The following PCDH15 variants were observed in gnomAD, a reference collection of about 807,000 sequenced individuals.
PCDH15 encodes protocadherin-15.
A neutral mutation model predicts 178.5 loss-of-function variants in PCDH15; 129 were observed. The observed-to-expected ratio is 0.72, with a 90% confidence interval of 0.63 to 0.84. The LOEUF (loss-of-function observed/expected upper bound fraction) is 0.84. PCDH15 is among the 40% of genes least tolerant of loss of function. PCDH15 has a pLI of 0.00. For synonymous variants in PCDH15, 800 were observed against 732.0 expected, an observed-to-expected ratio of 1.09 and a Z score of -1.50; for missense variants, 2,230 against 2,099.9, an observed-to-expected ratio of 1.06 and a Z score of -1.21.
At chr10:55,249,622 T>A (rs1170799293) in intron 1 of PCDH15, among the ~76,000 whole-genome samples, 1 of 152,134 alleles carries the variant, frequency 6.6e-6, no homozygotes, top group African/African-American at 2.4e-5. Context: ...TAGTATAAAT[T>A]GCAATCTTCT....
chr10:53,811,485 T>G (rs2075862837), intron 36 of PCDH15, 64 bp downstream of exon 36: 1 of 994,422 alleles, frequency 1.0e-6, no homozygotes, highest in Non-Finnish European at 1.4e-6. Context: ...AATAATCATT[T>G]AATAATTTCC....
intron 14 of PCDH15, among the ~76,000 whole-genome samples, chr10:54,148,377 A>C (rs2044194165): frequency 6.6e-6 from 1 of 152,036 alleles, no homozygotes; most frequent in Non-Finnish European, 1.5e-5. Flanking sequence ...TTTGTATATA[A>C]TCTATGCATA....
chr10:53,978,085 A>G lies in PCDH15; in HGVS notation c.2869-16193T>C, dbSNP rs190339698. Among the ~76,000 whole-genome samples, 699 of 152,224 alleles carry G rather than the reference A, an allele frequency of 4.6e-3. 3 individuals carry two copies. Among genetic ancestry groups the G allele is most frequent in the Non-Finnish European group, 7.6e-3 (517 of 68,014 alleles). On this transcript the variant is annotated intron_variant, in intron 21 of 37. Transcript: ENST00000644397. ...ACAGCAAACTGTCAGTGGATTTACC[A>G]TTCTGGGGACTGGAGGACAGTGGCT... is the stretch of plus-strand genomic sequence containing the variant.
chr10:55,320,027 C>T (rs554611586), upstream of PCDH15, among the ~76,000 whole-genome samples: 1 of 152,150 alleles, frequency 6.6e-6, no homozygotes, highest in African/African-American at 2.4e-5. Flanking sequence ...CTGGCCACAC[C>T]TGCATTTAGT....
chr10:54,071,905 T>G (rs2094250619), intron 17 of PCDH15, among the ~76,000 whole-genome samples: 1 of 152,128 alleles, frequency 6.6e-6, no homozygotes, highest in African/African-American at 2.4e-5. Context: ...ATTATTTTAT[T>G]AAGAAATGTG....
At chr10:53,940,803 G>C in intron 24 of PCDH15, 63 bp downstream of exon 24, 1 of 1,226,836 alleles carries the variant, frequency 8.2e-7, no homozygotes. Flanking sequence ...AATTCAATCT[G>C]AAATTAGGCC....
intron 26 of PCDH15, among the ~76,000 whole-genome samples, chr10:53,890,405 C>A (rs185376056): frequency 2.6e-5 from 4 of 151,938 alleles, no homozygotes; most frequent in Non-Finnish European, 5.9e-5. Context: ...CCAGCCTGGG[C>A]GACAGAGTGA....
At chr10:53,959,127 T>C (rs1421481329) in intron 23 of PCDH15, among the ~76,000 whole-genome samples, 1 of 149,180 alleles carries the variant, frequency 6.7e-6, no homozygotes, top group Non-Finnish European at 1.5e-5. Flanking sequence ...TGTATATGCA[T>C]ATAGTGTATA....
At chr10:55,156,020 A>G (rs1156941167) in intron 2 of PCDH15, among the ~76,000 whole-genome samples, 4 of 152,124 alleles carry the variant, frequency 2.6e-5, no homozygotes, top group East Asian at 1.9e-4. Context: ...GATGGCAACA[A>G]CACGTGATCA....
chr10:55,566,968 A>C (rs1842314334), intron 2 of PCDH15, among the ~76,000 whole-genome samples: 1 of 151,918 alleles, frequency 6.6e-6, no homozygotes, highest in South Asian at 2.1e-4. Flanking sequence ...AGAGACTCCA[A>C]ATAGCTAAAT....
chr10:54,013,199 A>G (rs1439625221), intron 20 of PCDH15, among the ~76,000 whole-genome samples: 1 of 152,208 alleles, frequency 6.6e-6, no homozygotes, highest in Non-Finnish European at 1.5e-5. Flanking sequence ...ACAATGCAAT[A>G]AGAAGATCTA....
chr10:54,379,629 A>G (rs1948930353), intron 3 of PCDH15, among the ~76,000 whole-genome samples: 1 of 152,102 alleles, frequency 6.6e-6, no homozygotes, highest in South Asian at 2.1e-4. Context: ...ATAAAACTTG[A>G]AAAGATTATG....
At chr10:54,024,775 T>C (rs2093031883) in intron 18 of PCDH15, among the ~76,000 whole-genome samples, 1 of 152,140 alleles carries the variant, frequency 6.6e-6, no homozygotes, top group South Asian at 2.1e-4. Flanking sequence ...AGAATTTGTC[T>C]TACGAATTAT....
intron 2 of PCDH15, among the ~76,000 whole-genome samples, chr10:54,576,141 AT>A: frequency 4.7e-4 from 1 of 2,124 alleles, no homozygotes; most frequent in East Asian, 0.033. Context: ...GTATCCATCT[AT>A]CTATCTATCT....
chr10:53,940,922 G>A lies in PCDH15; in HGVS notation c.3176C>T (p.Ser1059Phe), dbSNP rs1564820345. ...ATKGTMVGVI[S>F]AAAINQSIVY... is the part of the protein sequence containing the mutation. ...AATACTTTGATTAATGGCAGCAGCA[G>A]AAATTACACCAACCATGGTCCCTTT... Residue 1059 changes from serine to phenylalanine, a missense_variant, in exon 24 of 38, where the codon TCT becomes TTT. Physicochemically the swap from Ser to Phe is radical, Grantham distance 155. Transcript: ENST00000644397. 6.2e-7 allele frequency: 1 copy of A among 1,613,762 alleles called. No individual in the cohort carries two copies. Among genetic ancestry groups the A allele is most frequent in the Non-Finnish European group, 8.5e-7 (1 of 1,179,706 alleles).
intron 28 of PCDH15, among the ~76,000 whole-genome samples, chr10:53,854,800 A>C (rs1313186740): frequency 6.6e-6 from 1 of 152,068 alleles, no homozygotes; most frequent in Non-Finnish European, 1.5e-5. Context: ...AAATAATTCT[A>C]TATGTTTTAT....
intron 4 of PCDH15, among the ~76,000 whole-genome samples, chr10:54,372,017 A>T (rs1589087041): frequency 1.3e-5 from 2 of 151,994 alleles, no homozygotes; most frequent in South Asian, 4.1e-4. Context: ...TTTGAATTAG[A>T]TGACCTCCAT....
At chr10:54,413,282 A>T (rs968500945) in intron 3 of PCDH15, among the ~76,000 whole-genome samples, 1 of 152,102 alleles carries the variant, frequency 6.6e-6, no homozygotes, top group African/African-American at 2.4e-5. Context: ...GCTCTTTGTG[A>T]TTGTTGGTTT....
At chr10:54,259,935 A>AT (rs1419128436) in intron 8 of PCDH15, among the ~76,000 whole-genome samples, 2 of 152,106 alleles carry the variant, frequency 1.3e-5, no homozygotes, top group South Asian at 2.1e-4. Flanking sequence ...ACTAAAATAC[A>AT]TTTTTTCCTA....
Sources: allele counts gnomAD v4.1 joint callset (sites outside exome capture counted in the v4.1 genomes callset), GRCh38; gene constraint gnomAD v4.1.1; transcripts MANE v1.5; gene names NCBI Gene and HGNC (gene_info 2026-07-23, HGNC 2026-07-21).